MPZ: variants seen among roughly 807,000 people sequenced by gnomAD.
MPZ encodes the protein myelin protein P0.
A neutral mutation model predicts 27.9 loss-of-function variants in MPZ; 13 were observed. The observed-to-expected ratio is 0.47, with a 90% CI of 0.30 to 0.74. The LOEUF is 0.74. Among genes scored for constraint, MPZ ranks in the 30% least tolerant of loss-of-function variants. The pLI is 0.06. For synonymous variants in MPZ, 118 were observed against 128.9 expected, an observed-to-expected ratio of 0.92 and a Z score of 0.57; for missense variants, 256 against 317.5, an observed-to-expected ratio of 0.81 and a Z score of 1.47.
intron 1 of MPZ, among the ~76,000 whole-genome samples, chr1:161,309,552 A>ATATATATATATATATATTTTTTTTT: frequency 2.5e-5 from 2 of 80,666 alleles, no homozygotes; most frequent in African/African-American, 5.8e-5. Context: ...ATATATATAT[A>ATATATATATATATATATTTTTTTTT]TTTTTTTTTT....
chr1:161,309,264 C>A (rs1162710016), intron 1 of MPZ, among the ~76,000 whole-genome samples: 3 of 152,132 alleles, frequency 2.0e-5, no homozygotes, highest in Non-Finnish European at 2.9e-5. Context: ...AGATCGCACT[C>A]TCTTTTTCCT....
intron 2 of MPZ, 64 bp downstream of exon 2, chr1:161,307,194 T>C (rs1306723611): frequency 6.2e-7 from 1 of 1,603,572 alleles, no homozygotes; most frequent in Non-Finnish European, 8.5e-7. Flanking sequence ...GCCCAAGTTA[T>C]CTTTTTTGTT....
At chr1:161,308,580 C>A (rs1272341874) in intron 1 of MPZ, among the ~76,000 whole-genome samples, 3 of 152,184 alleles carry the variant, frequency 2.0e-5, no homozygotes, top group Admixed American at 6.5e-5. Flanking sequence ...TGTCCTGAAT[C>A]TCTCACCTCA....
chr1:161,307,993 T>G (rs1163285368), intron 1 of MPZ, among the ~76,000 whole-genome samples: 2 of 123,486 alleles, frequency 1.6e-5, no homozygotes, highest in Non-Finnish European at 4.0e-5. Flanking sequence ...TTTTGTGGAG[T>G]TTTTTTTTCC....
chr1:161,305,838 A>ACCCCAAAAC lies in MPZ; in HGVS notation c.*37_*38insGTTTTGGGG. On this transcript the variant is annotated 3_prime_UTR_variant, in exon 6 of 6. Transcript: ENST00000533357. Reference sequence around the variant, plus strand: ...CACCTTTGGGCCTTTGGCGGACTCCACCCCTAACCCCCGATCCCCCGCCCG... The same window carrying ACCCCAAAAC: ...CACCTTTGGGCCTTTGGCGGACTCCACCCCAAAACCCCCTAACCCCCGATCCCCCGCCCG... The ACCCCAAAAC allele has an allele frequency of 1.4e-6, 2 of 1,463,592 alleles. No homozygotes were observed. Among genetic ancestry groups the ACCCCAAAAC allele is most frequent in the Non-Finnish European group, 9.5e-7 (1 of 1,051,212 alleles). 90.7% of individuals were successfully genotyped at this position (1,463,592 alleles called of 1,614,324 possible).
chr1:161,306,388 A>G lies in MPZ; in HGVS notation c.525T>C (p.Leu175=), dbSNP rs1670245692. Residue 175 remains leucine (L), a synonymous_variant, in exon 4 of 6, where the codon CTT becomes CTC. Transcript: ENST00000533357. ...VLGVVLLLLL[L]FYVVRYCWLR... ...GCCAGCAGTACCGAACCACGTAGAA[A>G]AGCAGCAGCAGCAACAGCACCACCC... 6.2e-7 allele frequency: 1 copy of G among 1,614,018 alleles called. No individual in the cohort carries two copies. Among genetic ancestry groups the G allele is most frequent in the Non-Finnish European group, 8.5e-7 (1 of 1,180,010 alleles).
chr1:161,307,216 C>A (rs753477012), intron 2 of MPZ, 42 bp downstream of exon 2: 17 of 1,612,966 alleles, frequency 1.1e-5, no homozygotes, highest in Non-Finnish European at 1.4e-5. Context: ...TTCTTTGAAG[C>A]ACTTTCTGTT....
At chr1:161,308,827 G>T (rs1670323118) in intron 1 of MPZ, among the ~76,000 whole-genome samples, 1 of 151,912 alleles carries the variant, frequency 6.6e-6, no homozygotes, top group Non-Finnish European at 1.5e-5. Flanking sequence ...CCCTCACTAT[G>T]CCCTTCTCCA....
At chr1:161,306,961 G>A (rs759726438) in intron 2 of MPZ, 40 bp from the exon 3 acceptor site, 104 of 1,166,886 alleles carry the variant, frequency 8.9e-5, no homozygotes, top group Non-Finnish European at 8.5e-5. Context: ...GGACCCTAAT[G>A]AGAACACAGC....
chr1:161,309,881 T>C lies in MPZ; in HGVS notation c.25A>G (p.Ser9Gly), dbSNP rs761835459. MAPGAPSS[S>G]PSPILAVLLF... ...AGCACAGCCAGGATAGGGCTGGGGC[T>C]GGATGAGGGAGCCCCAGGAGCCATA... The change falls in exon 1 of 6, where the codon AGC (serine) becomes GGC (glycine). Residue 9 changes from serine to glycine, a missense_variant. Physicochemically the swap from Ser to Gly is moderately conservative, Grantham distance 56 (BLOSUM62 0). Coordinates refer to ENST00000533357, the MANE Select transcript of MPZ (RefSeq NM_000530.8). The C allele has an allele frequency of 5.7e-6, 9 of 1,589,406 alleles. No homozygotes were observed. Among genetic ancestry groups the C allele is most frequent in the Non-Finnish European group, 5.1e-6 (6 of 1,169,160 alleles).
In MPZ at chr1:161,305,939, G is replaced by A. The variant is rs34307129; in HGVS notation, c.684C>T (p.Ser228=). Residue 228 remains serine (S), a synonymous_variant, in exon 6 of 6, where the codon AGC becomes AGT. Coordinates refer to ENST00000533357, the MANE Select transcript of MPZ (RefSeq NM_000530.8). ...CCTTCTTCTCACTGACAGCTTTGGT[G>A]CTTCTGCTGTGGTCCAGCATTGCAT... is the stretch of plus-strand genomic sequence containing the variant. ...VLYAMLDHSR[S]TKAVSEKKAK... 0.024 allele frequency: 39,428 copies of A among 1,613,780 alleles called. 576 individuals carry two copies. Among genetic ancestry groups the A allele is most frequent in the Non-Finnish European group, 0.029 (34,776 of 1,179,812 alleles).
In MPZ at chr1:161,304,965, T is replaced by TTC. The variant is rs149030537; in HGVS notation, c.*909_*910dup. On this transcript the variant is annotated 3_prime_UTR_variant, in exon 6 of 6. Coordinates refer to ENST00000533357, the MANE Select transcript of MPZ (RefSeq NM_000530.8). ...CCACTCCCTGACCTATGAGGATCCA[T>TTC]TCTCTCTCTCTGTCTCTCTCCTCAA... 15 of 149,926 alleles carry TTC rather than the reference T, an allele frequency of 1.0e-4. No homozygotes were observed. The highest frequency in any genetic ancestry group is 2.0e-4 in the Admixed American group (3 of 14,798). The allele number at this position is 149,926 out of a possible 1,614,324, so 9.3% of individuals were successfully genotyped here.
At chr1:161,304,611 A>T (rs1670182340), downstream of MPZ, 1 of 152,652 alleles carries the variant, frequency 6.6e-6, no homozygotes, top group Non-Finnish European at 1.5e-5. Context: ...TTTCTAGTAT[A>T]CTATATAAGC....
chr1:161,303,674 G>A (rs1165745034), downstream of MPZ, among the ~76,000 whole-genome samples: 2 of 152,264 alleles, frequency 1.3e-5, no homozygotes, highest in East Asian at 3.9e-4. Flanking sequence ...GGAAGTTTAA[G>A]CAGGGAACCC....
chr1:161,308,816 T>A, intron 1 of MPZ, among the ~76,000 whole-genome samples: 1 of 152,040 alleles, frequency 6.6e-6, no homozygotes, highest in East Asian at 1.9e-4. Flanking sequence ...TCCCCCTATT[T>A]CCCTCACTAT....
intron 1 of MPZ, among the ~76,000 whole-genome samples, chr1:161,309,552 A>ATATTTTTTTTTTTTTTTTTTTTTTTTTTT: frequency 3.7e-5 from 3 of 80,642 alleles, no homozygotes; most frequent in Non-Finnish European, 7.1e-5. Context: ...ATATATATAT[A>ATATTTTTTTTTTTTTTTTTTTTTTTTTTT]TTTTTTTTTT....
Position 161,306,378 on chromosome 1 carries a change from C to A in MPZ, c.535G>T (p.Val179Phe). The change falls in exon 4 of 6, where the codon GTT (valine) becomes TTT (phenylalanine). Residue 179 changes from valine (V) to phenylalanine (F), a missense_variant. Transcript: ENST00000533357. ...VLLLLLLFYV[V>F]RYCWLRRQAA... ...TGCCTGCGTAGCCAGCAGTACCGAA[C>A]CACGTAGAAAAGCAGCAGCAGCAAC... 1 of 1,614,196 alleles carries A rather than the reference C, an allele frequency of 6.2e-7. No homozygotes were observed. The highest frequency in any genetic ancestry group is 1.7e-5 in the Admixed American group (1 of 60,026).
At chr1:161,309,552 A>AATTT (rs1670346083) in intron 1 of MPZ, among the ~76,000 whole-genome samples, 1 of 80,666 alleles carries the variant, frequency 1.2e-5, no homozygotes, top group Non-Finnish European at 2.4e-5. Context: ...ATATATATAT[A>AATTT]TTTTTTTTTT....
chr1:161,306,483 G>A lies in MPZ; in HGVS notation c.449-19C>T. The A allele has an allele frequency of 3.1e-6, 5 of 1,614,224 alleles. No homozygotes were observed. In the African/African-American group the frequency reaches 4.0e-5, roughly 13 times the overall value. ...GTTGGCACTAGGAGGGGTGGGAAAA[G>A]AAGTGGGAGAATGAGCAGGGCCCTG... On this transcript the variant is annotated intron_variant, in intron 3 of 5. Transcript: ENST00000533357.
Sources: gnomAD v4.1 joint callset for allele counts (sites outside exome capture counted in the v4.1 genomes callset) on GRCh38, gnomAD v4.1.1 for gene constraint, MANE v1.5 for transcripts, NCBI Gene and HGNC (gene_info 2026-07-23, HGNC 2026-07-21) for gene names.